The following SCUBE3 variants were observed in gnomAD, a reference collection of about 807,000 sequenced individuals.
SCUBE3 encodes the protein signal peptide, CUB domain and EGF like domain containing 3.
Under a neutral mutation model 116.8 loss-of-function variants are expected in SCUBE3, and 33 were observed. The ratio of observed to expected loss-of-function variants is 0.28; its 90% CI spans 0.21 to 0.38. The LOEUF is 0.38. Ranked by LOEUF, SCUBE3 falls within the 10% of genes least tolerant of loss-of-function variation. The pLI, the probability that SCUBE3 is intolerant of heterozygous loss-of-function variation, is 1.00. For missense variants in SCUBE3, 1,007 were observed against 1,324.8 expected (o/e 0.76, Z 3.72); for synonymous variants, 418 against 496.9 (o/e 0.84, Z 2.11).
In SCUBE3 at chr6:35,219,053, C is replaced by T. The variant is rs369491092; in HGVS notation, c.85+4550C>T. ...ACAGGTTACTCACCCAAATCTCAGGCGCTCTCCTCCTTGGATGCTGGTCCA... is the reference window on the plus strand; with the variant it reads ...ACAGGTTACTCACCCAAATCTCAGGTGCTCTCCTCCTTGGATGCTGGTCCA... On this transcript the variant is annotated intron_variant, in intron 1 of 21. Transcript: ENST00000274938. The surrounding 1 kb of genome is among the most constrained non-coding windows in gnomAD (Gnocchi z 4.7). Among the ~76,000 whole-genome samples the T allele has an allele frequency of 1.2e-3, 176 of 152,266 alleles. 1 individual carries two copies. The highest frequency in any genetic ancestry group is 1.4e-3 in the African/African-American group (58 of 41,544).
Position 35,231,872 on chromosome 6 carries a change from C to A in SCUBE3, c.469+13C>A. 1 of 1,598,934 alleles carries A rather than the reference C, an allele frequency of 6.3e-7. No individual in the cohort carries two copies. Among genetic ancestry groups the A allele is most frequent in the Non-Finnish European group, 8.6e-7 (1 of 1,168,644 alleles). The stretch of plus-strand genomic sequence containing the variant: ...CAGCGGCCAGAAGGTCAGCCCATGA[C>A]CTGGGATGGCCCCATCCCTGCCCTC... On this transcript the variant is annotated intron_variant, in intron 4 of 21. Coordinates refer to ENST00000274938, the MANE Select transcript of SCUBE3 (RefSeq NM_152753.4). The surrounding 1 kb of genome is among the most constrained non-coding windows in gnomAD (Gnocchi z 4.2).
chr6:35,226,134 C>T (rs1783310755), intron 1 of SCUBE3, among the ~76,000 whole-genome samples: 1 of 152,218 alleles, frequency 6.6e-6, no homozygotes, highest in Admixed American at 6.5e-5. Flanking sequence ...ACTGGAAGAG[C>T]TTTAGAAAAA....
At chr6:35,218,186 G>A (rs1782998175) in intron 1 of SCUBE3, 1 of 982,058 alleles carries the variant, frequency 1.0e-6, no homozygotes, top group Admixed American at 6.1e-5. Context: ...TGTAAGAGGA[G>A]CCGGCCCTGG....
At position 35,241,859 on chromosome 6, in the gene SCUBE3, C is replaced by G; in HGVS notation, c.1366C>G (p.Pro456Ala). ...SCGTPSPRAAPARAGHNGNST... is the reference protein window; with the variant it reads ...SCGTPSPRAAAARAGHNGNST... ...TGGGACCCCCAGCCCCAGGGCTGCT[C>G]CAGCCCGAGCTGGCCACAATGGGAA... The change falls in exon 12 of 22, where the codon CCA becomes GCA. Residue 456 changes from proline (P) to alanine (A), a missense_variant. By Grantham distance (27) the Pro-to-Ala change is conservative. This residue lies in a region of SCUBE3 where 544 missense variants were observed against 638.9 expected (regional missense o/e 0.85). Transcript: ENST00000274938. The surrounding 1 kb of genome is among the most constrained non-coding windows in gnomAD (Gnocchi z 4.1). 6.2e-7 allele frequency: 1 copy of G among 1,612,424 alleles called. No individual in the cohort carries two copies. Among genetic ancestry groups the G allele is most frequent in the Non-Finnish European group, 8.5e-7 (1 of 1,179,912 alleles).
Position 35,228,754 on chromosome 6 carries a change from G to A in SCUBE3, c.334+15G>A. On this transcript the variant is annotated intron_variant, in intron 3 of 21. Transcript: ENST00000274938. This position sits in a 1 kb window ranked among gnomAD's most constrained non-coding sequence, Gnocchi z 4.9. The stretch of plus-strand genomic sequence containing the variant: ...CAACTGTCTGGGTAAGCAAAGGAGA[G>A]GGGATTTGGTGGAGGGATGTCTTGT... The A allele has an allele frequency of 6.2e-7, 1 of 1,613,642 alleles. No homozygotes were observed. The highest frequency in any genetic ancestry group is 8.5e-7 in the Non-Finnish European group (1 of 1,179,600).
At chr6:35,221,454 T>C in intron 1 of SCUBE3, 1 of 152,192 alleles carries the variant, frequency 6.6e-6, no homozygotes, top group East Asian at 1.9e-4. Context: ...TTCTCTGAGG[T>C]AACATAGAGC....
chr6:35,243,301 G>T lies in SCUBE3; in HGVS notation c.1909+65G>T. 7.3e-7 allele frequency: 1 copy of T among 1,364,044 alleles called. No homozygotes were observed. Among genetic ancestry groups the T allele is most frequent in the South Asian group, 1.2e-5 (1 of 85,328 alleles). The allele number at this position is 1,364,044 out of a possible 1,614,324, so 84.5% of individuals were successfully genotyped here. A position where few individuals can be genotyped will look rare whatever the true frequency, so the allele number is the denominator to read the frequency against. ...CCAGTTTGGGCCTGACTCAGAGCAG[G>T]ACCCTTTGTGGCCTCAGATGCATTT... On this transcript the variant is annotated intron_variant, in intron 15 of 21. Transcript: ENST00000274938. This position sits in a 1 kb window ranked among gnomAD's most constrained non-coding sequence, Gnocchi z 6.6.
rs372463943 is a variant in SCUBE3, at chr6:35,214,702, G to C, written c.85+199G>C. On this transcript the variant is annotated intron_variant, in intron 1 of 21. Transcript: ENST00000274938. This position sits in a 1 kb window ranked among gnomAD's most constrained non-coding sequence, Gnocchi z 6.3. Reference sequence around the variant, plus strand: ...GCGAAAAGCCGGACAAGCTGGGGGCGGCAGAGAGGAGTGAGAAACTCTTGG... The same window carrying C: ...GCGAAAAGCCGGACAAGCTGGGGGCCGCAGAGAGGAGTGAGAAACTCTTGG... Among the ~76,000 whole-genome samples the C allele has an allele frequency of 4.2e-4, 64 of 152,330 alleles. No homozygotes were observed. The highest frequency in any genetic ancestry group is 7.6e-4 in the Non-Finnish European group (52 of 68,028).
Position 35,239,973 on chromosome 6 carries a change from T to A in SCUBE3, c.952+99T>A. 9.7e-7 allele frequency: 1 copy of A among 1,034,528 alleles called. No homozygotes were observed. Among genetic ancestry groups the A allele is most frequent in the East Asian group, 2.8e-5 (1 of 36,282 alleles). The allele number at this position is 1,034,528 out of a possible 1,614,324, so 64.1% of individuals were successfully genotyped here. A position where few individuals can be genotyped will look rare whatever the true frequency, so the allele number is the denominator to read the frequency against. On this transcript the variant is annotated intron_variant, in intron 8 of 21. Transcript: ENST00000274938. The surrounding 1 kb of genome is among the most constrained non-coding windows in gnomAD (Gnocchi z 4.1). ...TAAAGTCTTAGAAACTCAATAGATATCACACAGAGTCTCTAGAGGCAGTGT... is the reference window on the plus strand; with the variant it reads ...TAAAGTCTTAGAAACTCAATAGATAACACACAGAGTCTCTAGAGGCAGTGT...
chr6:35,246,374 C>A, intron 21 of SCUBE3, 89 bp downstream of exon 21: 1 of 945,786 alleles, frequency 1.1e-6, no homozygotes, highest in African/African-American at 1.6e-5. Context: ...CATGAATATT[C>A]TCACTTGATA....
Position 35,227,435 on chromosome 6 carries a change from G to A in SCUBE3, c.86-145G>A. 6.5e-6 allele frequency: 5 copies of A among 766,308 alleles called. No individual in the cohort carries two copies. The South Asian group carries it at 8.9e-5, about 14-fold the overall frequency. The allele number at this position is 766,308 out of a possible 1,614,324, so 47.5% of individuals were successfully genotyped here. ...AGTGTCTGCCTACTCTGAAATCAGA[G>A]AGATGTGAGACAGCACCTGTTTCTG... On this transcript the variant is annotated intron_variant, in intron 1 of 21. Transcript: ENST00000274938.
chr6:35,244,101 C>A lies in SCUBE3; in HGVS notation c.2210C>A (p.Ala737Asp), dbSNP rs768463172. The A allele has an allele frequency of 1.2e-6, 2 of 1,613,928 alleles. No homozygotes were observed. Among genetic ancestry groups the A allele is most frequent in the Admixed American group, 3.3e-5 (2 of 59,996 alleles). ...GGGLTTKHEG[A>D]ISFQDCDTKV... is the part of the protein sequence containing the mutation. ...GGCCTCACCACCAAGCATGAAGGGGCCATTTCCTTCCAAGACTGTGACACC... is the reference window on the plus strand; with the variant it reads ...GGCCTCACCACCAAGCATGAAGGGGACATTTCCTTCCAAGACTGTGACACC... The change falls in exon 17 of 22, where the codon GCC becomes GAC. Residue 737 changes from alanine (A) to aspartate (D), a missense_variant. By Grantham distance (126) the Ala-to-Asp change is moderately radical. Around this residue, in one of 5 missense-constraint regions of SCUBE3, gnomAD observed 544 missense variants for 638.9 expected, o/e 0.85. Transcript: ENST00000274938. The surrounding 1 kb of genome is among the most constrained non-coding windows in gnomAD (Gnocchi z 4.3).
chr6:35,216,414 G>T (rs1378541753), intron 1 of SCUBE3, among the ~76,000 whole-genome samples: 1 of 152,196 alleles, frequency 6.6e-6, no homozygotes, highest in Non-Finnish European at 1.5e-5. Context: ...AGTTAGCTTG[G>T]TATCCTCCTT....
In SCUBE3 at chr6:35,232,842, T is replaced by G. The variant is rs779484962; in HGVS notation, c.470-8T>G. ...ACAGAGCATTCACACCCCTTTCTTC[T>G]CTTTTAGAAGGAATGAATTGCATGA... On this transcript the variant is annotated splice_polypyrimidine_tract_variant and splice_region_variant and intron_variant, in intron 4 of 21. Coordinates refer to ENST00000274938, the MANE Select transcript of SCUBE3 (RefSeq NM_152753.4). The surrounding 1 kb of genome is among the most constrained non-coding windows in gnomAD (Gnocchi z 4.2). The G allele has an allele frequency of 9.3e-6, 15 of 1,613,942 alleles. No individual in the cohort carries two copies. The highest frequency in any genetic ancestry group is 1.3e-5 in the African/African-American group (1 of 74,914).
At chr6:35,229,963 T>G (rs1190120518) in intron 3 of SCUBE3, among the ~76,000 whole-genome samples, 1 of 152,154 alleles carries the variant, frequency 6.6e-6, no homozygotes, top group Non-Finnish European at 1.5e-5. Context: ...AATAGATGAA[T>G]TCTCTTAAGT....
Position 35,235,550 on chromosome 6 carries a change from C to G in SCUBE3, c.712+2249C>G. ...ACTGGCTTGCTAGGGGAAGGGCTAA[C>G]CCGCTGGGGCTCCCACTAACTGCAT... On this transcript the variant is annotated intron_variant, in intron 6 of 21. Coordinates refer to ENST00000274938, the MANE Select transcript of SCUBE3 (RefSeq NM_152753.4). This position sits in a 1 kb window ranked among gnomAD's most constrained non-coding sequence, Gnocchi z 4.5. The G allele has an allele frequency of 1.0e-6, 1 of 1,003,916 alleles. No homozygotes were observed. The highest frequency in any genetic ancestry group is 1.4e-6 in the Non-Finnish European group (1 of 727,912). The allele number at this position is 1,003,916 out of a possible 1,614,324, so 62.2% of individuals were successfully genotyped here.
rs535537117 is a variant in SCUBE3 at position 35,232,318 on chromosome 6, CATT to C, written c.469+460_469+462del. On this transcript the variant is annotated intron_variant, in intron 4 of 21. Coordinates refer to ENST00000274938, the MANE Select transcript of SCUBE3 (RefSeq NM_152753.4). The surrounding 1 kb of genome is among the most constrained non-coding windows in gnomAD (Gnocchi z 4.2). ...CTGAGGGCAGGGACTATGTCTAACT[CATT>C]GTTGTATCCCCAGCACCTAACATAC... 6.4e-4 allele frequency among the ~76,000 whole-genome samples: 97 copies of C among 152,298 alleles called. No individual in the cohort carries two copies. Among genetic ancestry groups the C allele is most frequent in the African/African-American group, 2.3e-3 (96 of 41,564 alleles).
chr6:35,218,177 G>GT (rs1782997718), intron 1 of SCUBE3: 4 of 984,268 alleles, frequency 4.1e-6, no homozygotes, highest in Non-Finnish European at 4.8e-6. Flanking sequence ...GGGACCTGTT[G>GT]TAAGAGGAGC....
rs1253761069 is a variant in SCUBE3 at position 35,242,531 on chromosome 6, G to T, written c.1535-91G>T. 2.5e-6 allele frequency: 3 copies of T among 1,210,986 alleles called. No individual in the cohort carries two copies. The East Asian group carries it at 7.0e-5, about 28-fold the overall frequency. The allele number at this position is 1,210,986 out of a possible 1,614,324, so 75.0% of individuals were successfully genotyped here. ...TAGACTAAAACAGGATTGAGAGATA[G>T]TTACAGTTAGAGATCTGGGGAGGTC... On this transcript the variant is annotated intron_variant, in intron 13 of 21. Coordinates refer to ENST00000274938, the MANE Select transcript of SCUBE3 (RefSeq NM_152753.4).
Sources: allele counts gnomAD v4.1 joint callset (sites outside exome capture counted in the v4.1 genomes callset), GRCh38; gene constraint gnomAD v4.1.1; regional missense constraint gnomAD v4.1.1; non-coding constraint Gnocchi (gnomAD v3.1); transcripts MANE v1.5; gene names NCBI Gene and HGNC (gene_info 2026-07-23, HGNC 2026-07-21).